The following KDM4B variants were observed in gnomAD, a reference collection of about 807,000 sequenced individuals.
The protein encoded by KDM4B is lysine-specific demethylase 4B.
KDM4B carries 32 observed loss-of-function variants against 125.2 expected under a neutral mutation model. The observed-to-expected ratio is 0.26, with a 90% CI of 0.19 to 0.34. The LOEUF (loss-of-function observed/expected upper bound fraction) is 0.34. Ranked by LOEUF, KDM4B falls within the 10% of genes least tolerant of loss-of-function variation. The pLI is 1.00. For missense variants in KDM4B, 1,190 were observed against 1,577.7 expected (o/e 0.75, Z 4.16); for synonymous variants, 721 against 677.9 (o/e 1.06, Z -0.99).
chr19:5,014,295 G>C (rs1309306638), intron 1 of KDM4B, among the ~76,000 whole-genome samples: 1 of 152,106 alleles, frequency 6.6e-6, no homozygotes, highest in African/African-American at 2.4e-5. Context: ...TTTTGTTTTT[G>C]AGACGGAGTC....
chr19:5,054,923 G>A (rs2145742474), intron 6 of KDM4B, among the ~76,000 whole-genome samples: 1 of 152,338 alleles, frequency 6.6e-6, no homozygotes, highest in South Asian at 2.1e-4. Context: ...TCAAGACTGG[G>A]GAGTGAACTG....
At chr19:5,033,390 G>A (rs1279438609) in intron 3 of KDM4B, among the ~76,000 whole-genome samples, 1 of 152,202 alleles carries the variant, frequency 6.6e-6, no homozygotes, top group Non-Finnish European at 1.5e-5. Context: ...GGTGTTCAGT[G>A]CCCAGGAAGG....
At chr19:5,084,992 C>T (rs1348614877) in intron 9 of KDM4B, among the ~76,000 whole-genome samples, 1 of 152,118 alleles carries the variant, frequency 6.6e-6, no homozygotes, top group Non-Finnish European at 1.5e-5. Flanking sequence ...AGGCGCGAGC[C>T]ACCACAGCAC....
intron 1 of KDM4B, among the ~76,000 whole-genome samples, chr19:5,008,072 T>G (rs2035616383): frequency 6.6e-6 from 1 of 152,154 alleles, no homozygotes; most frequent in African/African-American, 2.4e-5. Context: ...GGCCAGGAGT[T>G]TGAGACCAGT....
intron 9 of KDM4B, among the ~76,000 whole-genome samples, chr19:5,103,614 A>G (rs951819121): frequency 1.3e-5 from 2 of 152,176 alleles, no homozygotes; most frequent in Non-Finnish European, 2.9e-5. Flanking sequence ...CTCGACGGCC[A>G]TCAATCCCGG....
At chr19:5,126,612 T>C (rs933165294) in intron 11 of KDM4B, among the ~76,000 whole-genome samples, 7 of 152,206 alleles carry the variant, frequency 4.6e-5, no homozygotes, top group African/African-American at 1.4e-4. Flanking sequence ...GCCTCGTGGC[T>C]GGTGACTGGT....
chr19:5,026,417 A>T (rs1196950732), intron 2 of KDM4B, among the ~76,000 whole-genome samples: 1 of 152,154 alleles, frequency 6.6e-6, no homozygotes, highest in African/African-American at 2.4e-5. Flanking sequence ...TCCTGAGCTC[A>T]ATCGAGTGTC....
chr19:4,997,237 C>CT lies in KDM4B; in HGVS notation c.-108-19018dup, dbSNP rs761216755. Among the ~76,000 whole-genome samples, 1 of 152,292 alleles carries CT rather than the reference C, an allele frequency of 6.6e-6. No homozygotes were observed. The highest frequency in any genetic ancestry group is 2.1e-4 in the South Asian group (1 of 4,826). ...TGTTACCTTTTTTCTCAGTTCCTCA[C>CT]TTATCTTTAGTTTTATTTTTGGTGC... On this transcript the variant is annotated intron_variant, in intron 1 of 22. Coordinates refer to ENST00000159111, the MANE Select transcript of KDM4B (RefSeq NM_015015.3). This position sits in a 1 kb window ranked among gnomAD's most constrained non-coding sequence, Gnocchi z 4.2.
chr19:5,147,795 C>A (rs964056957), intron 21 of KDM4B, among the ~76,000 whole-genome samples: 11 of 148,840 alleles, frequency 7.4e-5, no homozygotes, highest in Admixed American at 7.4e-4. Context: ...GGCGGGGGGG[C>A]AGAGGCTGTG....
intron 6 of KDM4B, among the ~76,000 whole-genome samples, chr19:5,052,704 C>T (rs1027560875): frequency 2.6e-5 from 4 of 152,258 alleles, no homozygotes; most frequent in Admixed American, 2.0e-4. Flanking sequence ...GGCCTCTGCC[C>T]TGTCCCTTGG....
intron 6 of KDM4B, among the ~76,000 whole-genome samples, chr19:5,054,870 C>G (rs181655822): frequency 6.6e-6 from 1 of 152,392 alleles, no homozygotes; most frequent in East Asian, 1.9e-4. Flanking sequence ...GCTCTTGTCA[C>G]TACCACTCTG....
At chr19:5,090,073 C>T (rs2038640735) in intron 9 of KDM4B, among the ~76,000 whole-genome samples, 1 of 152,184 alleles carries the variant, frequency 6.6e-6, no homozygotes, top group Admixed American at 6.5e-5. Flanking sequence ...CCCCTTCCTC[C>T]CTGCTGAGCA....
chr19:5,144,438 CG>C, intron 20 of KDM4B, 26 bp downstream of exon 20: 4 of 423,896 alleles, frequency 9.4e-6, no homozygotes, highest in Non-Finnish European at 8.4e-6. Context: ...GGGCAGGGGG[CG>C]GGGGGAGGCT....
chr19:5,017,301 A>ATG, intron 2 of KDM4B, among the ~76,000 whole-genome samples: 1 of 152,202 alleles, frequency 6.6e-6, no homozygotes, highest in Non-Finnish European at 1.5e-5. Flanking sequence ...GTGGTTGGCA[A>ATG]ACTATGGCCC....
At chr19:5,119,198 A>T in intron 10 of KDM4B, 2 of 1,534,678 alleles carry the variant, frequency 1.3e-6, no homozygotes, top group Non-Finnish European at 1.7e-6. Flanking sequence ...AAGAAAGAGC[A>T]GACCAAAAGG....
At chr19:5,028,792 A>T (rs1337842741) in intron 2 of KDM4B, among the ~76,000 whole-genome samples, 1 of 152,068 alleles carries the variant, frequency 6.6e-6, no homozygotes, top group Non-Finnish European at 1.5e-5. Context: ...GTGGTGGCTC[A>T]TTGTGGTTCT....
intron 2 of KDM4B, among the ~76,000 whole-genome samples, chr19:5,023,835 C>T (rs1031688669): frequency 7.9e-6 from 1 of 127,346 alleles, no homozygotes; most frequent in African/African-American, 3.1e-5. Context: ...GCAGTCTGGG[C>T]TCACTGCAGC....
intron 9 of KDM4B, among the ~76,000 whole-genome samples, chr19:5,102,082 A>G (rs2038947280): frequency 6.6e-6 from 1 of 152,080 alleles, no homozygotes; most frequent in African/African-American, 2.4e-5. Context: ...CCTTGTTTCC[A>G]GGGGACCCTG....
chr19:5,040,363 A>T (rs2036768838), intron 4 of KDM4B, among the ~76,000 whole-genome samples: 1 of 152,132 alleles, frequency 6.6e-6, no homozygotes, highest in Non-Finnish European at 1.5e-5. Context: ...GTACATGCAC[A>T]GGCACACAGG....
Sources: gnomAD v4.1 joint callset for allele counts (sites outside exome capture counted in the v4.1 genomes callset) on GRCh38, gnomAD v4.1.1 for gene constraint, Gnocchi (gnomAD v3.1) non-coding constraint, MANE v1.5 for transcripts, NCBI Gene and HGNC (gene_info 2026-07-23, HGNC 2026-07-21) for gene names.